EXD3: variants seen among roughly 807,000 people sequenced by gnomAD.
The protein encoded by EXD3 is exonuclease mut-7 homolog.
A neutral mutation model predicts 98.0 loss-of-function variants in EXD3; 92 were observed. The observed-to-expected ratio is 0.94, with a 90% confidence interval of 0.79 to 1.12. The LOEUF (loss-of-function observed/expected upper bound fraction) is 1.12, where lower values mean the gene tolerates loss of function less well. Among genes scored for constraint, EXD3 ranks in the 50% most tolerant of loss-of-function variants. The pLI, the probability that EXD3 is intolerant of heterozygous loss-of-function variation, is 0.00. For synonymous variants in EXD3, 569 were observed against 526.0 expected, an observed-to-expected ratio of 1.08 and a Z score of -1.12; for missense variants, 1,222 against 1,191.6, an observed-to-expected ratio of 1.03 and a Z score of -0.38.
intron 5 of EXD3, 55 bp from the exon 6 acceptor site, chr9:137,368,044 C>T (rs937304506): frequency 3.2e-5 from 47 of 1,482,024 alleles, no homozygotes; most frequent in South Asian, 1.6e-4. Flanking sequence ...CCAGGCAGCA[C>T]GGCGGGTGAG....
At chr9:137,374,308 C>T (rs1047358311) in intron 3 of EXD3, among the ~76,000 whole-genome samples, 13 of 152,352 alleles carry the variant, frequency 8.5e-5, no homozygotes, top group Admixed American at 6.5e-4. Flanking sequence ...AGCCGACACC[C>T]GACCTGAAGC....
At chr9:137,394,112 C>T (rs1034238982) in intron 2 of EXD3, among the ~76,000 whole-genome samples, 4 of 152,070 alleles carry the variant, frequency 2.6e-5, no homozygotes, top group East Asian at 3.9e-4. Context: ...CCTTCCCAGC[C>T]GCCGCTTCCC....
At chr9:137,366,283 G>A (rs989721504) in intron 7 of EXD3, 14 of 731,840 alleles carry the variant, frequency 1.9e-5, no homozygotes, top group Non-Finnish European at 2.4e-5. Flanking sequence ...CTTTTCACTC[G>A]GGAGAAGAGG....
chr9:137,356,125 C>G, intron 8 of EXD3, 143 bp downstream of exon 8: 1 of 649,944 alleles, frequency 1.5e-6, no homozygotes, highest in Non-Finnish European at 2.7e-6. Flanking sequence ...ACGAGCTGGG[C>G]AAGAGGCAGG....
At chr9:137,336,524 G>C (rs1228128507) in intron 17 of EXD3, among the ~76,000 whole-genome samples, 1 of 152,020 alleles carries the variant, frequency 6.6e-6, no homozygotes, top group African/African-American at 2.4e-5. Context: ...AGCTGGGTGT[G>C]GTGCTGGGTG....
chr9:137,389,820 C>T (rs1836796117), intron 2 of EXD3, among the ~76,000 whole-genome samples: 1 of 152,104 alleles, frequency 6.6e-6, no homozygotes, highest in South Asian at 2.1e-4. Context: ...AGATGAAATG[C>T]CTATTTTTAA....
intron 20 of EXD3, among the ~76,000 whole-genome samples, chr9:137,309,291 G>T (rs1588211741): frequency 6.6e-6 from 1 of 152,236 alleles, no homozygotes; most frequent in East Asian, 1.9e-4. Context: ...GTGTGTCTGT[G>T]TGCACCGCAT....
At position 137,371,812 on chromosome 9, in the gene EXD3, C is replaced by T. The variant is rs1038450136; in HGVS notation, c.462+1093G>A. Among the ~76,000 whole-genome samples the T allele has an allele frequency of 2.6e-5, 4 of 152,054 alleles. No homozygotes were observed. Among genetic ancestry groups the T allele is most frequent in the Non-Finnish European group, 5.9e-5 (4 of 67,978 alleles). ...CTTCTTTGCCGCACCTCGTGCTGCA[C>T]CCTAGAATCTGCACTGGGATCTGGA... is the stretch of plus-strand genomic sequence containing the variant. On this transcript the variant is annotated intron_variant, in intron 5 of 21. Coordinates refer to ENST00000340951, the MANE Select transcript of EXD3 (RefSeq NM_017820.5). The surrounding 1 kb of genome is among the most constrained non-coding windows in gnomAD (Gnocchi z 8.0).
In EXD3 at chr9:137,348,384, A is replaced by G. The variant is rs1834048494; in HGVS notation, c.1831-146T>C. The G allele has an allele frequency of 3.9e-6, 4 of 1,014,410 alleles. No individual in the cohort carries two copies. In the South Asian group the frequency reaches 6.9e-5, roughly 18 times the overall value. The allele number at this position is 1,014,410 out of a possible 1,614,324, so 62.8% of individuals were successfully genotyped here. On this transcript the variant is annotated intron_variant, in intron 16 of 21. Transcript: ENST00000340951. ...AAACTGTGTGTGCTGTGCATAAAAC[A>G]GCAGAAACGCAGACAAAATGCAGTG...
chr9:137,370,808 T>TTTA (rs1201734016), intron 5 of EXD3, among the ~76,000 whole-genome samples: 1 of 151,330 alleles, frequency 6.6e-6, no homozygotes, highest in African/African-American at 2.4e-5. Flanking sequence ...TTTTTTTTTT[T>TTTA]TTTAAAGCAA....
chr9:137,346,767 G>C (rs1171742462), intron 17 of EXD3, among the ~76,000 whole-genome samples: 1 of 151,980 alleles, frequency 6.6e-6, no homozygotes, highest in African/African-American at 2.4e-5. Context: ...CGCATGTTTA[G>C]CTGTGTGTTA....
chr9:137,363,651 C>A (rs1436432316), intron 7 of EXD3, among the ~76,000 whole-genome samples: 1 of 152,016 alleles, frequency 6.6e-6, no homozygotes, highest in Non-Finnish European at 1.5e-5. Flanking sequence ...GGTGCAATTT[C>A]TTTCTTAAAT....
chr9:137,394,010 C>T (rs1404534307), intron 2 of EXD3, among the ~76,000 whole-genome samples: 2 of 152,304 alleles, frequency 1.3e-5, no homozygotes, highest in East Asian at 3.9e-4. Context: ...TGGGGCCGAG[C>T]CCCTGCCAGG....
Position 137,355,553 on chromosome 9 carries a change from G to A in EXD3, c.757+715C>T, listed in dbSNP as rs868651230. Among the ~76,000 whole-genome samples the A allele has an allele frequency of 2.1e-4, 23 of 110,086 alleles. 1 individual carries two copies. The highest frequency in any genetic ancestry group is 4.5e-4 in the African/African-American group (13 of 28,584). The allele number at this position is 110,086 out of a possible 152,430, so 72.2% of individuals were successfully genotyped here. ...GGAGGAAGGAGGAAGGAGGAAGGAG[G>A]AAGGAGGAAGGGAGGATGGAGGAAG... On this transcript the variant is annotated intron_variant, in intron 8 of 21. Transcript: ENST00000340951.
rs1335259088 is a variant in EXD3, at chr9:137,323,739, A to G, written c.2170T>C (p.Phe724Leu). ...FNVRVTHADI[F>L]SRCQACNCDQ... ...GCAGGACCCACCTGGCAGCGGCTGAAGATGTCTGCGTGGGTGACACGCACG... is the reference window on the plus strand; with the variant it reads ...GCAGGACCCACCTGGCAGCGGCTGAGGATGTCTGCGTGGGTGACACGCACG... Residue 724 changes from phenylalanine (F) to leucine (L), a missense_variant, in exon 19 of 22, where the codon TTC becomes CTC. Coordinates refer to ENST00000340951, the MANE Select transcript of EXD3 (RefSeq NM_017820.5). 4 of 1,612,096 alleles carry G rather than the reference A, an allele frequency of 2.5e-6. No individual in the cohort carries two copies. Among genetic ancestry groups the G allele is most frequent in the Non-Finnish European group, 2.5e-6 (3 of 1,179,644 alleles).
intron 19 of EXD3, among the ~76,000 whole-genome samples, chr9:137,313,029 G>A (rs1831449715): frequency 1.3e-5 from 2 of 152,196 alleles, no homozygotes; most frequent in African/African-American, 4.8e-5. Flanking sequence ...GGAGTGGTGA[G>A]GGAGGACTGG....
rs955891164 is a variant in EXD3 at position 137,393,701 on chromosome 9, G to A, written c.55+1602C>T. On this transcript the variant is annotated intron_variant, in intron 2 of 21. Transcript: ENST00000340951. The surrounding 1 kb of genome is among the most constrained non-coding windows in gnomAD (Gnocchi z 4.6). ...AGGGAAACTGAGGCAGAGAGCCTCA[G>A]CTGCTGCCATGTGGGAGCAGGGCTT... Among the ~76,000 whole-genome samples the A allele has an allele frequency of 6.6e-6, 1 of 152,204 alleles. No homozygotes were observed. Among genetic ancestry groups the A allele is most frequent in the African/African-American group, 2.4e-5 (1 of 41,448 alleles).
chr9:137,351,320 A>G lies in EXD3; in HGVS notation c.1382T>C (p.Leu461Pro), dbSNP rs1476532206. ...QLLSDPSITK[L>P]GYGMVGDLQK... ...GGGGGCCCCAGGGCTTCACTCACCC[A>G]GCTTGGTGATAGAGGGGTCCGAGAG... The change falls in exon 13 of 22, where the codon CTG (leucine) becomes CCG (proline). Residue 461 changes from leucine to proline, a missense_variant and splice_region_variant. By Grantham distance (98) the Leu-to-Pro change is moderately conservative. Transcript: ENST00000340951. The G allele has an allele frequency of 2.5e-6, 4 of 1,610,960 alleles. No individual in the cohort carries two copies. The highest frequency in any genetic ancestry group is 1.3e-5 in the African/African-American group (1 of 74,902).
At chr9:137,419,056 A>G (rs1838379502) in intron 1 of EXD3, among the ~76,000 whole-genome samples, 1 of 152,198 alleles carries the variant, frequency 6.6e-6, no homozygotes, top group South Asian at 2.1e-4. Flanking sequence ...TATAACAAAT[A>G]GGAACCCCGA....
Sources: allele counts gnomAD v4.1 joint callset (sites outside exome capture counted in the v4.1 genomes callset), GRCh38; gene constraint gnomAD v4.1.1; non-coding constraint Gnocchi (gnomAD v3.1); transcripts MANE v1.5; gene names NCBI Gene and HGNC (gene_info 2026-07-23, HGNC 2026-07-21).